CDK6: variants seen among roughly 807,000 people sequenced by gnomAD.
CDK6 encodes cyclin dependent kinase 6, also known as cyclin-dependent kinase 6.
A neutral mutation model predicts 37.1 loss-of-function variants in CDK6; 6 were observed. The observed-to-expected ratio is 0.16, with a 90% confidence interval of 0.09 to 0.32. The LOEUF (loss-of-function observed/expected upper bound fraction) is 0.32, where lower values mean the gene tolerates loss of function less well. CDK6 is among the 10% of genes least tolerant of loss of function. The pLI is 1.00. For missense variants in CDK6, 224 were observed against 418.9 expected, an observed-to-expected ratio of 0.53 and a Z score of 4.06; for synonymous variants, 160 against 161.3, an observed-to-expected ratio of 0.99 and a Z score of 0.06.
At chr7:92,700,662 G>C (rs550951930) in intron 4 of CDK6, among the ~76,000 whole-genome samples, 2 of 152,304 alleles carry the variant, frequency 1.3e-5, no homozygotes, top group East Asian at 3.9e-4. Context: ...CCTGCCTCCA[G>C]GATTACCTCC....
At chr7:92,638,583 A>G (rs1796229297) in intron 5 of CDK6, among the ~76,000 whole-genome samples, 1 of 152,132 alleles carries the variant, frequency 6.6e-6, no homozygotes, top group Non-Finnish European at 1.5e-5. Context: ...CTGGGCAGGA[A>G]CCTCAGTCCA....
intron 2 of CDK6, among the ~76,000 whole-genome samples, chr7:92,811,315 T>C (rs1036458132): frequency 3.9e-5 from 6 of 152,142 alleles, no homozygotes; most frequent in African/African-American, 1.4e-4. Flanking sequence ...AACCCCAATG[T>C]AGCAGGGTAC....
At chr7:92,689,577 T>C (rs1797552604) in intron 4 of CDK6, among the ~76,000 whole-genome samples, 1 of 152,326 alleles carries the variant, frequency 6.6e-6, no homozygotes, top group African/African-American at 2.4e-5. Context: ...CTATTGTGAA[T>C]AGTGCTGCAA....
chr7:92,669,455 G>C (rs567072743), intron 5 of CDK6, among the ~76,000 whole-genome samples: 135 of 152,222 alleles, frequency 8.9e-4, no homozygotes, highest in African/African-American at 3.2e-3. Context: ...ATCATGACTA[G>C]TATTCAAGTC....
chr7:92,638,393 T>A (rs1382694889), intron 5 of CDK6, among the ~76,000 whole-genome samples: 1 of 152,222 alleles, frequency 6.6e-6, no homozygotes, highest in Non-Finnish European at 1.5e-5. Flanking sequence ...GTCTCATGTC[T>A]TACTGACCCA....
Position 92,614,554 on chromosome 7 carries a change from T to G in CDK6, c.*586A>C, listed in dbSNP as rs182850211. On this transcript the variant is annotated 3_prime_UTR_variant, in exon 8 of 8. Transcript: ENST00000424848. ...AATGCTGAGGACATGGGGTTAACTTTCTAATTTGAGAAGACTATTTTGGTG... is the reference window on the plus strand; with the variant it reads ...AATGCTGAGGACATGGGGTTAACTTGCTAATTTGAGAAGACTATTTTGGTG... The G allele has an allele frequency of 1.4e-4, 32 of 233,676 alleles. 1 individual carries two copies. The East Asian group carries it at 1.8e-3, about 13-fold the overall frequency. 14.5% of individuals were successfully genotyped at this position (233,676 alleles called of 1,614,324 possible).
chr7:92,730,770 A>G (rs1798626536), intron 3 of CDK6, among the ~76,000 whole-genome samples: 1 of 152,166 alleles, frequency 6.6e-6, no homozygotes, highest in African/African-American at 2.4e-5. Flanking sequence ...CATTTTGTTT[A>G]TCTGGTGATC....
intron 4 of CDK6, among the ~76,000 whole-genome samples, chr7:92,713,890 A>G (rs1798160204): frequency 6.6e-6 from 1 of 152,154 alleles, no homozygotes; most frequent in African/African-American, 2.4e-5. Context: ...TACAAACCAC[A>G]ATGGCACCTT....
intron 3 of CDK6, among the ~76,000 whole-genome samples, chr7:92,770,674 T>C (rs575500674): frequency 1.3e-5 from 2 of 152,226 alleles, no homozygotes; most frequent in South Asian, 4.1e-4. Flanking sequence ...AACGTGTTGA[T>C]GAAATGATAA....
At chr7:92,820,382 G>A (rs1801142931) in intron 2 of CDK6, among the ~76,000 whole-genome samples, 1 of 152,132 alleles carries the variant, frequency 6.6e-6, no homozygotes, top group South Asian at 2.1e-4. Flanking sequence ...TATATAGTCA[G>A]AAGAATGTAA....
chr7:92,622,633 C>T (rs1795827906), intron 6 of CDK6, among the ~76,000 whole-genome samples: 1 of 152,100 alleles, frequency 6.6e-6, no homozygotes, highest in South Asian at 2.1e-4. Flanking sequence ...CAGAACCAAC[C>T]TGGGTGACCA....
intron 2 of CDK6, among the ~76,000 whole-genome samples, chr7:92,810,475 G>A (rs902198916): frequency 2.0e-5 from 3 of 152,284 alleles, no homozygotes; most frequent in South Asian, 4.1e-4. Context: ...TCTGCAAGAC[G>A]GGAATAACAA....
chr7:92,801,568 C>G (rs566241491), intron 2 of CDK6, among the ~76,000 whole-genome samples: 1 of 152,256 alleles, frequency 6.6e-6, no homozygotes, highest in East Asian at 1.9e-4. Flanking sequence ...CTCTTGGCCA[C>G]ATAAGCACCT....
At chr7:92,753,750 G>C (rs1202578567) in intron 3 of CDK6, among the ~76,000 whole-genome samples, 1 of 152,216 alleles carries the variant, frequency 6.6e-6, no homozygotes, top group African/African-American at 2.4e-5. Context: ...CATCATGGCA[G>C]AAGTATTGAA....
chr7:92,719,217 C>A (rs1305820665), intron 4 of CDK6, among the ~76,000 whole-genome samples: 1 of 152,140 alleles, frequency 6.6e-6, no homozygotes, highest in African/African-American at 2.4e-5. Flanking sequence ...TGGTCAGCTA[C>A]ACAGACCATC....
At chr7:92,725,161 TTTC>T (rs1486099085) in intron 4 of CDK6, 5 of 985,306 alleles carry the variant, frequency 5.1e-6, no homozygotes, top group Non-Finnish European at 6.0e-6. Context: ...GTGAATTTGA[TTTC>T]TTCTTTACAG....
chr7:92,616,176 T>C (rs1167860759), intron 7 of CDK6, among the ~76,000 whole-genome samples: 5 of 152,138 alleles, frequency 3.3e-5, no homozygotes, highest in Non-Finnish European at 7.4e-5. Context: ...TGTCTATGCA[T>C]TCCAGTCTTC....
At chr7:92,634,813 A>C (rs1796131988) in intron 5 of CDK6, among the ~76,000 whole-genome samples, 1 of 152,162 alleles carries the variant, frequency 6.6e-6, no homozygotes, top group South Asian at 2.1e-4. Flanking sequence ...GCTGCTGCTA[A>C]CTCTGGAGAA....
At chr7:92,724,360 C>T (rs1248352881) in intron 4 of CDK6, among the ~76,000 whole-genome samples, 1 of 152,082 alleles carries the variant, frequency 6.6e-6, no homozygotes, top group Admixed American at 6.6e-5. Flanking sequence ...TATCTTCTAA[C>T]AATGGCAACA....
Sources: gnomAD v4.1 joint callset for allele counts (sites outside exome capture counted in the v4.1 genomes callset) on GRCh38, gnomAD v4.1.1 for gene constraint, MANE v1.5 for transcripts, NCBI Gene and HGNC (gene_info 2026-07-23, HGNC 2026-07-21) for gene names.